RFC1: variants seen among roughly 807,000 people sequenced by gnomAD.
The protein encoded by RFC1 is replication factor C subunit 1.
In RFC1, 37 loss-of-function variants were observed where a neutral mutation model predicts 137.4. The observed-to-expected ratio is 0.27, with a 90% CI of 0.21 to 0.35. The LOEUF (loss-of-function observed/expected upper bound fraction) is 0.35, where lower values mean the gene tolerates loss of function less well. Ranked by LOEUF, RFC1 falls within the 10% of genes least tolerant of loss-of-function variation. The pLI, the probability that RFC1 is intolerant of heterozygous loss-of-function variation, is 1.00. For missense variants in RFC1, 1,205 were observed against 1,358.5 expected, an observed-to-expected ratio of 0.89 and a Z score of 1.78; for synonymous variants, 429 against 455.7, an observed-to-expected ratio of 0.94 and a Z score of 0.75.
At chr4:39,320,349 CAAAAAAAAA>C in intron 9 of RFC1, 25 bp downstream of exon 9, 1 of 1,118,562 alleles carries the variant, frequency 8.9e-7, no homozygotes, top group Non-Finnish European at 1.1e-6. Context: ...AACTCCATCT[CAAAAAAAAA>C]AAAAAAAAAA....
chr4:39,289,219 T>G (rs1737533891), intron 24 of RFC1, among the ~76,000 whole-genome samples: 1 of 152,154 alleles, frequency 6.6e-6, no homozygotes, highest in Non-Finnish European at 1.5e-5. Context: ...AGATTAGAGG[T>G]GTAAACAGTC....
rs78804263 is a variant in RFC1 at position 39,315,791 on chromosome 4, C to A, written c.1203+1124G>T. Among the ~76,000 whole-genome samples the A allele has an allele frequency of 1.8e-3, 268 of 152,294 alleles. 1 individual carries two copies. The highest frequency in any genetic ancestry group is 6.2e-3 in the African/African-American group (259 of 41,552). Reference sequence around the variant, plus strand: ...TCCACTTTTCGACATTTTCACTGCTCCCCCAGACCAGTCCCTATCACTTCT... The same window carrying A: ...TCCACTTTTCGACATTTTCACTGCTACCCCAGACCAGTCCCTATCACTTCT... On this transcript the variant is annotated intron_variant, in intron 10 of 24. Coordinates refer to ENST00000349703, the MANE Select transcript of RFC1 (RefSeq NM_002913.5).
rs116805635 is a variant in RFC1 at position 39,306,649 on chromosome 4, C to T, written c.1938G>A (p.Ala646=). The T allele has an allele frequency of 5.4e-4, 867 of 1,613,904 alleles. 2 individuals carry two copies. Among genetic ancestry groups the T allele is most frequent in the Middle Eastern group, 1.6e-3 (10 of 6,062 alleles). ...GKDDGSSFKA[A]LLSGPPGVGK... ...CAACACCAGGAGGGCCTGACAGCAACGCTGCTTTAAAACTAGAGCCATCAT... is the reference window on the plus strand; with the variant it reads ...CAACACCAGGAGGGCCTGACAGCAATGCTGCTTTAAAACTAGAGCCATCAT... The change falls in exon 14 of 25, where the codon GCG becomes GCA. Residue 646 remains alanine, a synonymous_variant. Coordinates refer to ENST00000349703, the MANE Select transcript of RFC1 (RefSeq NM_002913.5).
chr4:39,313,161 A>T (rs1310571370), intron 10 of RFC1, among the ~76,000 whole-genome samples: 1 of 152,214 alleles, frequency 6.6e-6, no homozygotes, highest in African/African-American at 2.4e-5. Flanking sequence ...AGTGAAAAAC[A>T]TACATCCAAC....
Position 39,305,008 on chromosome 4 carries a change from A to ACT in RFC1, c.1996-81_1996-80insAG. The ACT allele has an allele frequency of 4.9e-6, 4 of 808,874 alleles. No homozygotes were observed. In the Admixed American group the frequency reaches 7.3e-5, roughly 15 times the overall value. 50.1% of individuals were successfully genotyped at this position (808,874 alleles called of 1,614,324 possible). On this transcript the variant is annotated intron_variant, in intron 14 of 24. Coordinates refer to ENST00000349703, the MANE Select transcript of RFC1 (RefSeq NM_002913.5). ...CCCGCCAAGAAAGGCCAGTTAAGAA[A>ACT]GAAAGAAGGTACAAAATTAATATAA... is the stretch of plus-strand genomic sequence containing the variant.
chr4:39,293,576 G>A (rs1353876273), intron 22 of RFC1, among the ~76,000 whole-genome samples: 1 of 152,092 alleles, frequency 6.6e-6, no homozygotes, highest in Non-Finnish European at 1.5e-5. Context: ...AAAGTAGGGA[G>A]GTCTTAATTT....
intron 4 of RFC1, among the ~76,000 whole-genome samples, chr4:39,340,519 A>C (rs1740560782): frequency 6.6e-6 from 1 of 152,194 alleles, no homozygotes; most frequent in South Asian, 2.1e-4. Context: ...TTTATGACCC[A>C]ATATTGAAAA....
At chr4:39,359,192 C>A (rs1246043754) in intron 1 of RFC1, among the ~76,000 whole-genome samples, 1 of 152,206 alleles carries the variant, frequency 6.6e-6, no homozygotes, top group Non-Finnish European at 1.5e-5. Flanking sequence ...GTCTTCTCCC[C>A]TCTATTCCCA....
chr4:39,362,843 A>C (rs1244570441), intron 1 of RFC1, among the ~76,000 whole-genome samples: 1 of 152,254 alleles, frequency 6.6e-6, no homozygotes, highest in Non-Finnish European at 1.5e-5. Context: ...CACTCAAAAG[A>C]CAGAGAGAGA....
At chr4:39,322,678 C>T (rs1739575599) in intron 7 of RFC1, among the ~76,000 whole-genome samples, 1 of 151,708 alleles carries the variant, frequency 6.6e-6, no homozygotes, top group African/African-American at 2.4e-5. Flanking sequence ...CTTTGGGAGG[C>T]TGAGGTGGGA....
chr4:39,336,678 G>T (rs1379175924), intron 4 of RFC1, among the ~76,000 whole-genome samples: 1 of 152,236 alleles, frequency 6.6e-6, no homozygotes, highest in Non-Finnish European at 1.5e-5. Flanking sequence ...TCCCCTAGTT[G>T]TGACAACCAA....
At chr4:39,363,417 A>G (rs778587297) in intron 1 of RFC1, among the ~76,000 whole-genome samples, 4 of 152,240 alleles carry the variant, frequency 2.6e-5, no homozygotes, top group Non-Finnish European at 5.9e-5. Flanking sequence ...GAGAAATTTT[A>G]TATTTTGGCA....
chr4:39,364,666 C>A (rs1741932367), intron 1 of RFC1, among the ~76,000 whole-genome samples: 2 of 152,150 alleles, frequency 1.3e-5, no homozygotes, highest in South Asian at 4.1e-4. Flanking sequence ...GAAAATAGAT[C>A]ACTGGTAGCT....
At chr4:39,290,123 G>A (rs534999389) in intron 23 of RFC1, 84 bp from the exon 24 acceptor site, 1 of 952,206 alleles carries the variant, frequency 1.1e-6, no homozygotes, top group South Asian at 1.7e-5. Flanking sequence ...AGAGACCCTG[G>A]GAGCCCCCTG....
intron 19 of RFC1, among the ~76,000 whole-genome samples, chr4:39,301,319 A>T (rs1348704923): frequency 6.6e-6 from 1 of 152,160 alleles, no homozygotes; most frequent in Non-Finnish European, 1.5e-5. Context: ...AGCACAGAGG[A>T]TGTTCAGGAC....
At position 39,319,824 on chromosome 4, in the gene RFC1, G is replaced by A. The variant is rs184886263; in HGVS notation, c.1095+559C>T. 3.4e-3 allele frequency among the ~76,000 whole-genome samples: 519 copies of A among 152,248 alleles called. 5 individuals are homozygous for A. The highest frequency in any genetic ancestry group is 0.012 in the African/African-American group (500 of 41,532). ...ACCAAGTGACTAACGGGTGGGTAGT[G>A]TATCCAGCATGGTTATGCTGGACAA... On this transcript the variant is annotated intron_variant, in intron 9 of 24. Coordinates refer to ENST00000349703, the MANE Select transcript of RFC1 (RefSeq NM_002913.5).
intron 13 of RFC1, chr4:39,307,501 G>C (rs1335240429): frequency 6.5e-6 from 1 of 152,790 alleles, no homozygotes; most frequent in Non-Finnish European, 1.5e-5. Flanking sequence ...TAGAGCACAA[G>C]GTCAGGAGTT....
At chr4:39,345,097 C>CTCT (rs1347145374) in intron 3 of RFC1, among the ~76,000 whole-genome samples, 1 of 152,142 alleles carries the variant, frequency 6.6e-6, no homozygotes, top group Non-Finnish European at 1.5e-5. Flanking sequence ...TCACTGCAAC[C>CTCT]TCTGCCTCTG....
In RFC1 at chr4:39,295,755, ATGGCCTG is replaced by A. The variant is rs1461453169; in HGVS notation, c.2809-3_2812del. The A allele has an allele frequency of 1.2e-6, 2 of 1,607,188 alleles. No individual in the cohort carries two copies. Among genetic ancestry groups the A allele is most frequent in the Admixed American group, 1.7e-5 (1 of 57,970 alleles). On this transcript the variant is annotated splice_acceptor_variant and splice_polypyrimidine_tract_variant and coding_sequence_variant and intron_variant, in exon 22 of 25. Transcript: ENST00000349703. LOFTEE classifies it high-confidence loss of function. ...CTCTCCAGGAAGAACACTGGCATAAATGGCCTGAAAAAAAATCAATTGCAGTCCAGAA... is the reference window on the plus strand; with the variant it reads ...CTCTCCAGGAAGAACACTGGCATAAAAAAAAAAATCAATTGCAGTCCAGAA...
Sources: allele counts gnomAD v4.1 joint callset (sites outside exome capture counted in the v4.1 genomes callset), GRCh38; gene constraint gnomAD v4.1.1; transcripts MANE v1.5; gene names NCBI Gene and HGNC (gene_info 2026-07-23, HGNC 2026-07-21).